Variants in RBFOX1 observed in about 807,000 individuals in gnomAD.
RBFOX1 encodes the protein RNA binding protein fox-1 homolog 1.
A neutral mutation model predicts 57.7 loss-of-function variants in RBFOX1; 8 were observed. That is an observed-to-expected ratio of 0.14 (90% CI 0.08 to 0.25). The LOEUF (loss-of-function observed/expected upper bound fraction) is 0.25. Ranked by LOEUF, RBFOX1 falls within the 10% of genes least tolerant of loss-of-function variation. The probability of loss-of-function intolerance (pLI) is 1.00; values close to 1 mark genes in which losing one functional copy is unlikely to be tolerated. For synonymous variants in RBFOX1, 326 were observed against 222.4 expected, an observed-to-expected ratio of 1.47 and a Z score of -4.15; for missense variants, 611 against 548.5, an observed-to-expected ratio of 1.11 and a Z score of -1.14.
intron 4 of RBFOX1, among the ~76,000 whole-genome samples, chr16:7,188,771 C>G (rs2152578895): frequency 6.6e-6 from 1 of 152,200 alleles, no homozygotes; most frequent in Admixed American, 6.5e-5. Flanking sequence ...AAAAGTAAGA[C>G]CGCAAGAGCT....
intron 4 of RBFOX1, among the ~76,000 whole-genome samples, chr16:7,118,126 C>T (rs1326393826): frequency 1.3e-5 from 2 of 152,110 alleles, no homozygotes; most frequent in Non-Finnish European, 2.9e-5. Context: ...AATGGTAGAT[C>T]TATTTTTAGC....
At chr16:6,651,748 C>A (rs947316589) in intron 2 of RBFOX1, among the ~76,000 whole-genome samples, 1 of 152,158 alleles carries the variant, frequency 6.6e-6, no homozygotes, top group African/African-American at 2.4e-5. Flanking sequence ...TGAATAGATA[C>A]GTACACACCC....
At chr16:5,980,381 G>A (rs1193617402) in intron 4 of RBFOX1, among the ~76,000 whole-genome samples, 1 of 152,092 alleles carries the variant, frequency 6.6e-6, no homozygotes, top group South Asian at 2.1e-4. Flanking sequence ...GGTGAGTTCC[G>A]GGGGAAAGTG....
At chr16:7,686,123 T>G (rs140979116) in intron 14 of RBFOX1, among the ~76,000 whole-genome samples, 104 of 152,100 alleles carry the variant, frequency 6.8e-4, no homozygotes, top group African/African-American at 2.3e-3. Context: ...TGACACTTAG[T>G]TCTCAGGATA....
chr16:5,266,417 T>A (rs2062859361), intron 1 of RBFOX1, among the ~76,000 whole-genome samples: 1 of 152,038 alleles, frequency 6.6e-6, no homozygotes, highest in Non-Finnish European at 1.5e-5. Context: ...TAAAGGACAA[T>A]GTCAGGTGAA....
chr16:5,557,551 A>C (rs2045726656), intron 2 of RBFOX1, among the ~76,000 whole-genome samples: 1 of 152,190 alleles, frequency 6.6e-6, no homozygotes, highest in Non-Finnish European at 1.5e-5. Context: ...TCACTCCAGG[A>C]AGGCAACTTT....
intron 1 of RBFOX1, among the ~76,000 whole-genome samples, chr16:6,140,835 T>G (rs1397306229): frequency 6.6e-6 from 1 of 152,196 alleles, no homozygotes; most frequent in Non-Finnish European, 1.5e-5. Flanking sequence ...GAGCAATCTG[T>G]GGTTTGGTTT....
chr16:6,782,839 C>T (rs1245059737), intron 3 of RBFOX1, among the ~76,000 whole-genome samples: 1 of 152,128 alleles, frequency 6.6e-6, no homozygotes, highest in Non-Finnish European at 1.5e-5. Flanking sequence ...ACTTAGCATT[C>T]CCAACTATCA....
chr16:5,344,534 C>G (rs1193737795), intron 1 of RBFOX1, among the ~76,000 whole-genome samples: 1 of 152,206 alleles, frequency 6.6e-6, no homozygotes, highest in African/African-American at 2.4e-5. Flanking sequence ...CCCTGTGATA[C>G]TTGCTTTCAC....
intron 4 of RBFOX1, among the ~76,000 whole-genome samples, chr16:7,291,076 G>C (rs2095761673): frequency 6.6e-6 from 1 of 152,166 alleles, no homozygotes; most frequent in Admixed American, 6.5e-5. Flanking sequence ...CATATATTTG[G>C]AGATGTTTTA....
intron 7 of RBFOX1, among the ~76,000 whole-genome samples, chr16:7,595,270 A>G (rs1009792840): frequency 1.3e-5 from 2 of 152,028 alleles, no homozygotes; most frequent in African/African-American, 4.8e-5. Flanking sequence ...TTTTCGTTAG[A>G]TTTATTTTCT....
At chr16:7,264,944 C>A (rs955584127) in intron 4 of RBFOX1, among the ~76,000 whole-genome samples, 3 of 152,226 alleles carry the variant, frequency 2.0e-5, no homozygotes, top group Non-Finnish European at 2.9e-5. Flanking sequence ...CCAACACTTT[C>A]CATCTTCCAT....
At chr16:5,409,352 T>G (rs1432907417) in intron 1 of RBFOX1, among the ~76,000 whole-genome samples, 1 of 152,178 alleles carries the variant, frequency 6.6e-6, no homozygotes, top group African/African-American at 2.4e-5. Flanking sequence ...TGGTGTCTCA[T>G]CCTCTTCTCT....
intron 2 of RBFOX1, among the ~76,000 whole-genome samples, chr16:6,506,600 C>T (rs551688843): frequency 1.6e-4 from 23 of 142,262 alleles, no homozygotes; most frequent in African/African-American, 3.2e-4. Context: ...TCAGTATAAA[C>T]GGTAATAACA....
chr16:6,022,660 G>A (rs1244650563), intron 1 of RBFOX1, among the ~76,000 whole-genome samples: 1 of 152,142 alleles, frequency 6.6e-6, no homozygotes, highest in Non-Finnish European at 1.5e-5. Context: ...TCCAGCCTGG[G>A]TGACCAGAAT....
intron 4 of RBFOX1, among the ~76,000 whole-genome samples, chr16:7,155,732 T>C (rs1399876928): frequency 0.12 from 10,303 of 88,554 alleles, 713 homozygotes; most frequent in East Asian, 0.22. Flanking sequence ...TATATATATA[T>C]ATATATACAC....
intron 2 of RBFOX1, among the ~76,000 whole-genome samples, chr16:6,331,444 AG>A (rs1361472364): frequency 6.6e-6 from 1 of 151,496 alleles, no homozygotes; most frequent in Non-Finnish European, 1.5e-5. Context: ...GAAGAAAAAA[AG>A]TCTGGGAGGG....
chr16:6,031,600 C>T (rs765083772), intron 1 of RBFOX1, among the ~76,000 whole-genome samples: 3 of 152,168 alleles, frequency 2.0e-5, no homozygotes, highest in Admixed American at 1.3e-4. Flanking sequence ...TGTGTGCAAA[C>T]GTGCATTTTT....
chr16:7,696,249 G>C (rs571166291), intron 14 of RBFOX1, among the ~76,000 whole-genome samples: 17 of 152,302 alleles, frequency 1.1e-4, no homozygotes, highest in South Asian at 6.2e-4. Context: ...TGTGTGCTCT[G>C]TTGGGTATCA....
Sources: gnomAD v4.1 joint callset for allele counts (sites outside exome capture counted in the v4.1 genomes callset) on GRCh38, gnomAD v4.1.1 for gene constraint, MANE v1.5 for transcripts, NCBI Gene and HGNC (gene_info 2026-07-23, HGNC 2026-07-21) for gene names.